Variants in MTSS1 observed in about 807,000 individuals in gnomAD.
MTSS1 encodes the protein protein MTSS 1.
MTSS1 carries 18 observed loss-of-function variants against 79.0 expected under a neutral mutation model. That is an observed-to-expected ratio of 0.23 (90% CI 0.16 to 0.34). The LOEUF is 0.34. Among genes scored for constraint, MTSS1 ranks in the 10% least tolerant of loss-of-function variants. The probability of loss-of-function intolerance (pLI) is 1.00; values close to 1 mark genes in which losing one functional copy is unlikely to be tolerated. For missense variants in MTSS1, 815 were observed against 986.2 expected (o/e 0.83, Z 2.33); for synonymous variants, 341 against 368.6 (o/e 0.93, Z 0.86).
At chr8:124,645,118 A>C (rs192668063) in intron 3 of MTSS1, among the ~76,000 whole-genome samples, 1 of 152,324 alleles carries the variant, frequency 6.6e-6, no homozygotes, top group East Asian at 1.9e-4. Context: ...CTATAATCCC[A>C]GCACTTTGGG....
At chr8:124,675,803 A>G (rs966746574) in intron 3 of MTSS1, among the ~76,000 whole-genome samples, 11 of 152,198 alleles carry the variant, frequency 7.2e-5, no homozygotes, top group Admixed American at 1.3e-4. Context: ...GGTTCATCCA[A>G]GTTGTAGCAT....
intron 6 of MTSS1, among the ~76,000 whole-genome samples, chr8:124,575,627 G>A (rs1055286384): frequency 1.3e-5 from 2 of 152,110 alleles, no homozygotes; most frequent in African/African-American, 4.8e-5. Flanking sequence ...TCAGTTCAAG[G>A]TCGTTTTTGA....
rs142253779 is a variant in MTSS1, at chr8:124,553,010, T to C, written c.2250A>G (p.Ser750=). 964 of 1,613,332 alleles carry C rather than the reference T, an allele frequency of 6.0e-4. 7 individuals are homozygous for C. In the African/African-American group the frequency reaches 0.011, roughly 19 times the overall value. ...KLKKTTTNDR[S]APRFS is the part of the protein sequence containing the mutation. The stretch of plus-strand genomic sequence containing the variant: ...TGTGAACCTAAGAAAAGCGAGGGGC[T>C]GAGCGATCGTTTGTCGTGGTCTTCT... The change falls in exon 14 of 14, where the codon TCA becomes TCG. Residue 750 remains serine, a synonymous_variant. Transcript: ENST00000518547. The surrounding 1 kb of genome is among the most constrained non-coding windows in gnomAD (Gnocchi z 6.0).
chr8:124,622,634 A>C (rs1172556893), intron 3 of MTSS1, among the ~76,000 whole-genome samples: 2 of 151,952 alleles, frequency 1.3e-5, no homozygotes, highest in Non-Finnish European at 2.9e-5. Flanking sequence ...GTCTCTACTA[A>C]AACCACAACA....
rs942846054 is a variant in MTSS1, at chr8:124,597,517, G to T, written c.209-6282C>A. Among the ~76,000 whole-genome samples, 2 of 152,230 alleles carry T rather than the reference G, an allele frequency of 1.3e-5. No individual in the cohort carries two copies. The highest frequency in any genetic ancestry group is 1.5e-5 in the Non-Finnish European group (1 of 68,038). ...AAGTCAGATTGCCCCTTGCTGCAGA[G>T]ACCTGGCAGCGACAGGCAGGACGGT... On this transcript the variant is annotated intron_variant, in intron 3 of 13. Coordinates refer to ENST00000518547, the MANE Select transcript of MTSS1 (RefSeq NM_014751.6). The surrounding 1 kb of genome is among the most constrained non-coding windows in gnomAD (Gnocchi z 4.6).
At chr8:124,602,188 C>CATATATATATATATATATATATAT in intron 3 of MTSS1, among the ~76,000 whole-genome samples, 30 of 116,758 alleles carry the variant, frequency 2.6e-4, no homozygotes, top group African/African-American at 1.2e-3. Flanking sequence ...CATATATATA[C>CATATATATATATATATATATATAT]ATATATATAT....
At chr8:124,633,773 A>G (rs80101208) in intron 3 of MTSS1, among the ~76,000 whole-genome samples, 1 of 94,300 alleles carries the variant, frequency 1.1e-5, no homozygotes, top group Non-Finnish European at 2.0e-5. Flanking sequence ...TCCTGTCTCA[A>G]AAAAAAAAAA....
chr8:124,714,682 T>TGAACTCCTGACCTC (rs367873775), intron 1 of MTSS1, among the ~76,000 whole-genome samples: 7 of 152,196 alleles, frequency 4.6e-5, no homozygotes, highest in African/African-American at 1.7e-4. Context: ...AGGCTGGCCT[T>TGAACTCCTGACCTC]GAACTCCTGA....
chr8:124,610,409 G>A (rs960557633), intron 3 of MTSS1, among the ~76,000 whole-genome samples: 1 of 152,108 alleles, frequency 6.6e-6, no homozygotes, highest in African/African-American at 2.4e-5. Context: ...AAAAGCCTTC[G>A]CGGGAACAGA....
intron 3 of MTSS1, among the ~76,000 whole-genome samples, chr8:124,682,992 C>T (rs902566366): frequency 1.2e-4 from 18 of 152,132 alleles, no homozygotes; most frequent in African/African-American, 3.9e-4. Context: ...ATGGTCATCC[C>T]AGCCCTTCCT....
intron 1 of MTSS1, among the ~76,000 whole-genome samples, chr8:124,719,552 G>A (rs972511147): frequency 3.3e-5 from 5 of 152,148 alleles, no homozygotes; most frequent in African/African-American, 1.2e-4. Context: ...GGCAATGACT[G>A]TCTATACTGT....
rs769262602 is a variant in MTSS1, at chr8:124,553,406, G to C, written c.1854C>G (p.Val618=). The change falls in exon 14 of 14, where the codon GTC becomes GTG. Residue 618 remains valine (V), a synonymous_variant. Coordinates refer to ENST00000518547, the MANE Select transcript of MTSS1 (RefSeq NM_014751.6). This position sits in a 1 kb window ranked among gnomAD's most constrained non-coding sequence, Gnocchi z 6.0. Reference sequence around the variant, plus strand: ...GGAGGTCTGGGACGGTTGGGGTCTTGACAGGGATCACGGGTGTCTTGATGG... The same window carrying C: ...GGAGGTCTGGGACGGTTGGGGTCTTCACAGGGATCACGGGTGTCTTGATGG... The part of the protein sequence containing the change: ...PIPIKTPVIP[V]KTPTVPDLPG... 1.8e-5 allele frequency: 29 copies of C among 1,608,050 alleles called. No homozygotes were observed. The highest frequency in any genetic ancestry group is 2.5e-5 in the Non-Finnish European group (29 of 1,175,618).
intron 6 of MTSS1, among the ~76,000 whole-genome samples, chr8:124,573,129 A>G (rs1217979439): frequency 6.6e-6 from 1 of 152,144 alleles, no homozygotes; most frequent in African/African-American, 2.4e-5. Context: ...TATCCTTAAC[A>G]TGGCCTGCCC....
chr8:124,659,936 ACTCT>A (rs1163003513), intron 3 of MTSS1, among the ~76,000 whole-genome samples: 2 of 151,758 alleles, frequency 1.3e-5, no homozygotes, highest in South Asian at 2.1e-4. Context: ...TCTCTTCCTG[ACTCT>A]CTCTCTTACT....
intron 3 of MTSS1, among the ~76,000 whole-genome samples, chr8:124,677,728 C>T (rs189518078): frequency 2.3e-4 from 35 of 151,964 alleles, no homozygotes; most frequent in East Asian, 3.9e-4. Context: ...CTGCATAAAC[C>T]GGAAAAGAAC....
At chr8:124,668,802 C>T (rs866470694) in intron 3 of MTSS1, among the ~76,000 whole-genome samples, 2 of 152,182 alleles carry the variant, frequency 1.3e-5, no homozygotes, top group Middle Eastern at 6.3e-3. Flanking sequence ...CAAGCTTTTG[C>T]CCAGCAAATT....
At chr8:124,689,513 A>G (rs773683999) in intron 3 of MTSS1, among the ~76,000 whole-genome samples, 6 of 152,082 alleles carry the variant, frequency 3.9e-5, no homozygotes, top group Non-Finnish European at 7.4e-5. Context: ...TGGGAGGCTG[A>G]GGCAGGCGGA....
At chr8:124,678,679 A>C (rs959901776) in intron 3 of MTSS1, among the ~76,000 whole-genome samples, 1 of 152,192 alleles carries the variant, frequency 6.6e-6, no homozygotes, top group African/African-American at 2.4e-5. Context: ...ACTCGTAAGG[A>C]TTATAGGAGC....
rs149463159 is a variant in MTSS1 at position 124,553,449 on chromosome 8, A to T, written c.1811T>A (p.Ile604Asn). 8.7e-6 allele frequency: 14 copies of T among 1,608,488 alleles called. No homozygotes were observed. The highest frequency in any genetic ancestry group is 1.2e-5 in the Non-Finnish European group (14 of 1,176,264). ...CTTGATGGGGATGGGACCAGCTCCA[A>T]TGGTTCCCCGGCGGACAGAAGGCTT... ...STKPSVRRGT[I>N]GAGPIPIKTP... Residue 604 changes from isoleucine to asparagine, a missense_variant, in exon 14 of 14, where the codon ATT (isoleucine) becomes AAT (asparagine). Physicochemically the swap from Ile to Asn is moderately radical, Grantham distance 149. Around this residue, in one of 2 missense-constraint regions of MTSS1, gnomAD observed 590 missense variants for 620.8 expected, o/e 0.95. Coordinates refer to ENST00000518547, the MANE Select transcript of MTSS1 (RefSeq NM_014751.6). This position sits in a 1 kb window ranked among gnomAD's most constrained non-coding sequence, Gnocchi z 6.0.
Sources: allele counts gnomAD v4.1 joint callset (sites outside exome capture counted in the v4.1 genomes callset), GRCh38; gene constraint gnomAD v4.1.1; regional missense constraint gnomAD v4.1.1; non-coding constraint Gnocchi (gnomAD v3.1); transcripts MANE v1.5; gene names NCBI Gene and HGNC (gene_info 2026-07-23, HGNC 2026-07-21).